PHKA1: variants seen among roughly 807,000 people sequenced by gnomAD.
The protein encoded by PHKA1 is phosphorylase b kinase regulatory subunit alpha, skeletal muscle isoform.
In PHKA1, 60 loss-of-function variants were observed where a neutral mutation model predicts 110.2. The observed-to-expected ratio is 0.54, with a 90% CI of 0.44 to 0.68. The LOEUF is 0.68. Ranked by LOEUF, PHKA1 falls within the 30% of genes least tolerant of loss-of-function variation. The probability of loss-of-function intolerance (pLI) is 0.00; values close to 1 mark genes in which losing one functional copy is unlikely to be tolerated. For synonymous variants in PHKA1, 316 were observed against 333.6 expected, an observed-to-expected ratio of 0.95 and a Z score of 0.58; for missense variants, 801 against 942.5, an observed-to-expected ratio of 0.85 and a Z score of 1.97.
intron 25 of PHKA1, among the ~76,000 whole-genome samples, chrX:72,603,642 T>C (rs1556246836): frequency 9.0e-6 from 1 of 111,486 alleles, no homozygotes. Flanking sequence ...TAGATTTGAA[T>C]CCATGAAATT....
chrX:72,618,666 C>A, intron 21 of PHKA1, 44 bp downstream of exon 21: 1 of 1,059,382 alleles, frequency 9.4e-7, no homozygotes, highest in South Asian at 1.9e-5. Context: ...TATAATTCCT[C>A]TGATTATGAA....
intron 29 of PHKA1, among the ~76,000 whole-genome samples, chrX:72,588,331 T>C (rs904963146): frequency 4.5e-5 from 5 of 112,086 alleles, no homozygotes; most frequent in Non-Finnish European, 9.4e-5. Flanking sequence ...GAATGAATAC[T>C]GGGTACATAA....
rs144038222 is a variant in PHKA1, at chrX:72,679,549, A to G, written c.538-3399T>C. On this transcript the variant is annotated intron_variant, in intron 5 of 31. Coordinates refer to ENST00000373542, the MANE Select transcript of PHKA1 (RefSeq NM_002637.4). ...AGACAAGGACATTAAAGCATGTATT[A>G]TAACTATATTCCATACATTCAGAAA... Among the ~76,000 whole-genome samples the G allele has an allele frequency of 3.7e-3, 409 of 111,284 alleles. 1 individual carries two copies. Among genetic ancestry groups the G allele is most frequent in the African/African-American group, 0.013 (397 of 30,621 alleles).
chrX:72,586,070 G>T (rs973941616), intron 29 of PHKA1, among the ~76,000 whole-genome samples: 1 of 112,381 alleles, frequency 8.9e-6, no homozygotes, highest in Non-Finnish European at 1.9e-5. Flanking sequence ...AGAGAGCAGT[G>T]GTTCTCCCAG....
intron 26 of PHKA1, among the ~76,000 whole-genome samples, chrX:72,602,635 C>G (rs1176397880): frequency 8.9e-6 from 1 of 112,112 alleles, no homozygotes; most frequent in Admixed American, 9.5e-5. Flanking sequence ...GAGATGACCA[C>G]TTTTCATTTG....
chrX:72,657,371 A>G, intron 9 of PHKA1, among the ~76,000 whole-genome samples: 1 of 112,353 alleles, frequency 8.9e-6, no homozygotes, highest in Non-Finnish European at 1.9e-5. Flanking sequence ...AGGTGGAAGG[A>G]CTACACCTTC....
chrX:72,701,275 T>C (rs1266585057), intron 3 of PHKA1, among the ~76,000 whole-genome samples: 1 of 112,082 alleles, frequency 8.9e-6, no homozygotes, highest in African/African-American at 3.2e-5. Flanking sequence ...AGACCACATA[T>C]AGGGTTTCTG....
At chrX:72,655,813 G>A (rs782417037) in intron 10 of PHKA1, among the ~76,000 whole-genome samples, 8 of 111,850 alleles carry the variant, frequency 7.2e-5, no homozygotes, top group African/African-American at 1.9e-4. Flanking sequence ...TAGTAGAGAC[G>A]GGGTTTCACT....
At chrX:72,616,695 G>A (rs1556269861) in intron 21 of PHKA1, among the ~76,000 whole-genome samples, 1 of 111,625 alleles carries the variant, frequency 9.0e-6, no homozygotes, top group Non-Finnish European at 1.9e-5. Context: ...AAAAGCTACA[G>A]AATACACATT....
In PHKA1 at chrX:72,635,257, T is replaced by C; in HGVS notation, c.1612A>G (p.Met538Val). 2.5e-6 allele frequency: 3 copies of C among 1,210,760 alleles called. No homozygotes were observed. Among genetic ancestry groups the C allele is most frequent in the Non-Finnish European group, 1.1e-6 (1 of 894,603 alleles). ...QQFYLALDNKMIVEMLRTDLS... is the reference protein window; with the variant it reads ...QQFYLALDNKVIVEMLRTDLS... The stretch of plus-strand genomic sequence containing the variant: ...TCTGTTCTAAGCATTTCCACTATCA[T>C]CTTGTTGTCCAGAGCCAGGTAGAAC... Residue 538 changes from methionine to valine, a missense_variant, in exon 16 of 32, where the codon ATG (methionine) becomes GTG (valine). By Grantham distance (21) the Met-to-Val change is conservative. This residue lies in a region of PHKA1 where 299 missense variants were observed against 423.3 expected (regional missense o/e 0.71). Transcript: ENST00000373542.
chrX:72,619,145 T>A, intron 20 of PHKA1, 69 bp downstream of exon 20: 1 of 651,112 alleles, frequency 1.5e-6, no homozygotes, highest in Non-Finnish European at 2.5e-6. Context: ...TAATGACTAG[T>A]CCTATTATTT....
intron 17 of PHKA1, among the ~76,000 whole-genome samples, chrX:72,623,751 C>A (rs1173488428): frequency 3.6e-5 from 4 of 111,444 alleles, no homozygotes; most frequent in African/African-American, 9.8e-5. Flanking sequence ...AAGACAATTA[C>A]AAAACCCAAA....
intron 8 of PHKA1, among the ~76,000 whole-genome samples, chrX:72,661,209 A>G (rs1314482294): frequency 8.9e-6 from 1 of 112,345 alleles, no homozygotes; most frequent in Non-Finnish European, 1.9e-5. Context: ...ATTCAAATGC[A>G]GGTGCAGTTT....
At chrX:72,606,048 GA>G (rs2052723312) in intron 23 of PHKA1, among the ~76,000 whole-genome samples, 1 of 111,810 alleles carries the variant, frequency 8.9e-6, no homozygotes, top group Non-Finnish European at 1.9e-5. Flanking sequence ...ACATACATAG[GA>G]TGTGTAATGA....
intron 3 of PHKA1, among the ~76,000 whole-genome samples, chrX:72,703,910 C>T (rs2054241607): frequency 9.0e-6 from 1 of 111,342 alleles, no homozygotes; most frequent in African/African-American, 3.3e-5. Flanking sequence ...TGAGTGTGGG[C>T]AAAATGCTTT....
intron 13 of PHKA1, among the ~76,000 whole-genome samples, chrX:72,648,654 G>C (rs893425477): frequency 9.0e-6 from 1 of 111,268 alleles, no homozygotes; most frequent in African/African-American, 3.3e-5. Flanking sequence ...GTGATTTTTC[G>C]AGTGGTTCTA....
chrX:72,668,556 T>G (rs1453161193), intron 6 of PHKA1, among the ~76,000 whole-genome samples: 2 of 111,870 alleles, frequency 1.8e-5, no homozygotes, highest in African/African-American at 6.5e-5. Context: ...ATTTCTAGTA[T>G]TTATTAGTTA....
rs1556311658 is a variant in PHKA1, at chrX:72,676,053, C to T, written c.618+17G>A. 3 of 1,179,347 alleles carry T rather than the reference C, an allele frequency of 2.5e-6. No homozygotes were observed. The African/African-American group carries it at 5.3e-5, about 21-fold the overall frequency. ...TTCCTCATCCCATACTTAGTACAAA[C>T]AGGAAAGGAAAATTACCTTTGCCAT... On this transcript the variant is annotated intron_variant, in intron 6 of 31. Coordinates refer to ENST00000373542, the MANE Select transcript of PHKA1 (RefSeq NM_002637.4).
intron 6 of PHKA1, among the ~76,000 whole-genome samples, chrX:72,674,478 G>A (rs964152783): frequency 3.6e-5 from 4 of 111,467 alleles, no homozygotes; most frequent in Non-Finnish European, 5.6e-5. Context: ...GTTGTTTCCT[G>A]ACTTTTTAAT....
Sources: gnomAD v4.1 joint callset for allele counts (sites outside exome capture counted in the v4.1 genomes callset) on GRCh38, gnomAD v4.1.1 for gene constraint, gnomAD v4.1.1 regional missense constraint, MANE v1.5 for transcripts, NCBI Gene and HGNC (gene_info 2026-07-23, HGNC 2026-07-21) for gene names.